Variants in EPHA6 observed in about 807,000 individuals in gnomAD.
EPHA6 encodes ephrin type-A receptor 6.
In EPHA6, 50 loss-of-function variants were observed where a neutral mutation model predicts 112.0. That is an observed-to-expected ratio of 0.45 (90% CI 0.36 to 0.56). The LOEUF is 0.56. Ranked by LOEUF, EPHA6 falls within the 20% of genes least tolerant of loss-of-function variation. EPHA6 has a pLI of 0.00. For synonymous variants in EPHA6, 529 were observed against 490.7 expected (o/e 1.08, Z -1.03); for missense variants, 1,280 against 1,417.4 (o/e 0.90, Z 1.56).
At chr3:97,451,609 A>G (rs1318294142) in intron 7 of EPHA6, among the ~76,000 whole-genome samples, 6 of 147,212 alleles carry the variant, frequency 4.1e-5, no homozygotes, top group Non-Finnish European at 7.5e-5. Context: ...AAAAAAAAAA[A>G]CTGGTTAGCT....
intron 10 of EPHA6, among the ~76,000 whole-genome samples, chr3:97,485,556 G>T (rs73851915): frequency 0.046 from 6,978 of 152,176 alleles, 462 homozygotes; most frequent in African/African-American, 0.15. Flanking sequence ...GTCTCCCTCT[G>T]AAAGCTGCCA....
chr3:97,645,520 TG>T (rs1560225857), intron 14 of EPHA6, among the ~76,000 whole-genome samples: 1 of 78,866 alleles, frequency 1.3e-5, no homozygotes, highest in African/African-American at 5.1e-5. Flanking sequence ...TGTGGTGGGG[TG>T]GGGGGAGGGG....
chr3:97,616,993 G>A (rs1027261002), intron 13 of EPHA6, among the ~76,000 whole-genome samples: 2 of 152,030 alleles, frequency 1.3e-5, no homozygotes, highest in Non-Finnish European at 2.9e-5. Flanking sequence ...GATTCTCCAA[G>A]GTCAAAATAC....
chr3:97,002,559 T>C, intron 3 of EPHA6, among the ~76,000 whole-genome samples: 1 of 151,866 alleles, frequency 6.6e-6, no homozygotes, highest in Admixed American at 6.6e-5. Flanking sequence ...GATGGATTGT[T>C]ACCTTAATGT....
At chr3:97,550,078 A>C (rs2093009217) in intron 11 of EPHA6, among the ~76,000 whole-genome samples, 1 of 152,234 alleles carries the variant, frequency 6.6e-6, no homozygotes, top group South Asian at 2.1e-4. Context: ...CCTATTCTGG[A>C]AACAGATACC....
At chr3:97,418,761 T>A (rs1039196219) in intron 6 of EPHA6, among the ~76,000 whole-genome samples, 4 of 151,926 alleles carry the variant, frequency 2.6e-5, no homozygotes, top group Non-Finnish European at 2.9e-5. Context: ...AACATGTACA[T>A]AAATCTGAAA....
At chr3:97,099,056 A>C (rs1178830083) in intron 3 of EPHA6, among the ~76,000 whole-genome samples, 1 of 152,006 alleles carries the variant, frequency 6.6e-6, no homozygotes, top group Non-Finnish European at 1.5e-5. Context: ...TATTTGTAGA[A>C]GTAGTCAGTG....
chr3:97,100,071 T>C (rs1235518148), intron 3 of EPHA6, among the ~76,000 whole-genome samples: 1 of 151,880 alleles, frequency 6.6e-6, no homozygotes, highest in Non-Finnish European at 1.5e-5. Context: ...ATTTGGGTAC[T>C]ATTGTATTGG....
At chr3:96,975,950 A>G (rs1479695010) in intron 2 of EPHA6, among the ~76,000 whole-genome samples, 1 of 152,180 alleles carries the variant, frequency 6.6e-6, no homozygotes, top group Non-Finnish European at 1.5e-5. Flanking sequence ...TTTTCTTAAA[A>G]AGCATACATG....
intron 5 of EPHA6, among the ~76,000 whole-genome samples, chr3:97,247,374 GCAGGTAATTTCA>G (rs2079014609): frequency 6.6e-6 from 1 of 151,914 alleles, no homozygotes; most frequent in African/African-American, 2.4e-5. Context: ...CAGTTAATAA[GCAGGTAATTTCA>G]CAAATATGTA....
intron 5 of EPHA6, among the ~76,000 whole-genome samples, chr3:97,318,554 CTT>C (rs908937406): frequency 6.6e-6 from 1 of 151,988 alleles, no homozygotes; most frequent in Non-Finnish European, 1.5e-5. Flanking sequence ...TATTACCACT[CTT>C]TTGCTAATTT....
intron 5 of EPHA6, among the ~76,000 whole-genome samples, chr3:97,367,285 G>C (rs533124749): frequency 6.6e-6 from 1 of 152,046 alleles, no homozygotes. Flanking sequence ...AGTAAATAGA[G>C]AATAAAGTAG....
intron 3 of EPHA6, among the ~76,000 whole-genome samples, chr3:97,039,544 G>A (rs571286613): frequency 5.3e-5 from 8 of 152,004 alleles, no homozygotes; most frequent in African/African-American, 1.7e-4. Context: ...GAGAGTCATG[G>A]AACTTTTTTT....
At chr3:97,196,122 G>A (rs1401955183) in intron 3 of EPHA6, among the ~76,000 whole-genome samples, 1 of 147,832 alleles carries the variant, frequency 6.8e-6, no homozygotes, top group East Asian at 2.0e-4. Context: ...TCCTAGATTT[G>A]CCCTTTTGAG....
intron 7 of EPHA6, among the ~76,000 whole-genome samples, chr3:97,450,724 A>T (rs1379571445): frequency 6.6e-6 from 1 of 152,114 alleles, no homozygotes; most frequent in African/African-American, 2.4e-5. Flanking sequence ...ACATGTATAG[A>T]ATATTTAATA....
chr3:96,922,191 G>T (rs919419787), intron 2 of EPHA6, among the ~76,000 whole-genome samples: 1 of 152,122 alleles, frequency 6.6e-6, no homozygotes, highest in Non-Finnish European at 1.5e-5. Context: ...TCTATTTCTG[G>T]TTAGCCAGAT....
chr3:97,432,711 T>C (rs539908442), intron 6 of EPHA6, among the ~76,000 whole-genome samples: 3 of 152,228 alleles, frequency 2.0e-5, no homozygotes, highest in Admixed American at 6.5e-5. Flanking sequence ...CTTACAATCA[T>C]GTGTAAGGCA....
At chr3:97,606,793 G>C (rs559844389) in intron 12 of EPHA6, among the ~76,000 whole-genome samples, 17 of 151,182 alleles carry the variant, frequency 1.1e-4, no homozygotes, top group Non-Finnish European at 1.0e-4. Flanking sequence ...ACCAATTTGA[G>C]ATTATAATTG....
At chr3:97,573,375 A>G (rs2093353071) in intron 11 of EPHA6, among the ~76,000 whole-genome samples, 1 of 152,144 alleles carries the variant, frequency 6.6e-6, no homozygotes, top group South Asian at 2.1e-4. Flanking sequence ...TGGCTAATAC[A>G]AAAAAGCTAA....
Sources: allele counts gnomAD v4.1 joint callset (sites outside exome capture counted in the v4.1 genomes callset), GRCh38; gene constraint gnomAD v4.1.1; transcripts MANE v1.5; gene names NCBI Gene and HGNC (gene_info 2026-07-23, HGNC 2026-07-21).